The following GPC6 variants were observed in gnomAD, a reference collection of about 807,000 sequenced individuals.
GPC6 encodes the protein glypican-6.
A neutral mutation model predicts 55.2 loss-of-function variants in GPC6; 14 were observed. That is an observed-to-expected ratio of 0.25 (90% CI 0.17 to 0.40). The LOEUF (loss-of-function observed/expected upper bound fraction) is 0.40. Ranked by LOEUF, GPC6 falls within the 10% of genes least tolerant of loss-of-function variation. The pLI is 1.00. For synonymous variants in GPC6, 278 were observed against 259.6 expected (o/e 1.07, Z -0.68); for missense variants, 641 against 708.5 (o/e 0.90, Z 1.08).
intron 2 of GPC6, among the ~76,000 whole-genome samples, chr13:93,807,121 A>G (rs1886565498): frequency 6.6e-6 from 1 of 152,172 alleles, no homozygotes; most frequent in South Asian, 2.1e-4. Flanking sequence ...TGTTCTTAGC[A>G]TTGTATAGCA....
intron 4 of GPC6, among the ~76,000 whole-genome samples, chr13:94,088,928 A>G (rs1041468820): frequency 6.6e-6 from 1 of 152,116 alleles, no homozygotes; most frequent in African/African-American, 2.4e-5. Context: ...TCTATCTGAC[A>G]TATAATTGAT....
chr13:94,243,966 T>TGC (rs1891126811), intron 4 of GPC6, among the ~76,000 whole-genome samples: 1 of 152,168 alleles, frequency 6.6e-6, no homozygotes, highest in Admixed American at 6.6e-5. Context: ...TATAAATGGA[T>TGC]GCGACTTCCA....
intron 3 of GPC6, among the ~76,000 whole-genome samples, chr13:94,016,539 C>T (rs958839957): frequency 1.3e-5 from 2 of 152,156 alleles, no homozygotes; most frequent in Non-Finnish European, 2.9e-5. Context: ...GTGAGTCCTC[C>T]AACGTAGCTT....
At chr13:93,815,448 A>G (rs1414362119) in intron 2 of GPC6, among the ~76,000 whole-genome samples, 1 of 152,202 alleles carries the variant, frequency 6.6e-6, no homozygotes, top group African/African-American at 2.4e-5. Context: ...TAACATGATG[A>G]AAAATGACCT....
At chr13:93,219,219 G>A in the GPC6 span, among the ~76,000 whole-genome samples, 8 of 151,504 alleles carry the variant, frequency 5.3e-5, no homozygotes, top group Admixed American at 1.3e-4. Context: ...TTAGCCTCCC[G>A]AGTAGCTGGG....
intron 2 of GPC6, among the ~76,000 whole-genome samples, chr13:93,585,289 A>C (rs868012346): frequency 6.6e-6 from 1 of 152,204 alleles, no homozygotes; most frequent in East Asian, 1.9e-4. Context: ...AAAGGTTTAC[A>C]GAAGAGTTTG....
chr13:93,565,907 G>T (rs1876079627), intron 2 of GPC6, among the ~76,000 whole-genome samples: 1 of 146,382 alleles, frequency 6.8e-6, no homozygotes, highest in Non-Finnish European at 1.5e-5. Flanking sequence ...GGGTGACAGG[G>T]TGAGACTCTG....
At chr13:93,871,659 G>A (rs1566579096) in intron 3 of GPC6, among the ~76,000 whole-genome samples, 1 of 151,956 alleles carries the variant, frequency 6.6e-6, no homozygotes. Flanking sequence ...CATCTTCAGT[G>A]AGTTCCACTT....
chr13:94,038,416 A>C (rs1028771459), intron 4 of GPC6, among the ~76,000 whole-genome samples: 2 of 151,898 alleles, frequency 1.3e-5, no homozygotes, highest in Admixed American at 1.3e-4. Flanking sequence ...CATAACCTGG[A>C]CCTGAGATCT....
chr13:93,820,119 G>T (rs1007355775), intron 2 of GPC6, among the ~76,000 whole-genome samples: 1 of 152,122 alleles, frequency 6.6e-6, no homozygotes, highest in Admixed American at 6.5e-5. Flanking sequence ...TTGGTGCAAG[G>T]TATTGATTAT....
intron 2 of GPC6, among the ~76,000 whole-genome samples, chr13:93,715,261 C>T (rs981366405): frequency 6.6e-5 from 10 of 151,718 alleles, no homozygotes; most frequent in South Asian, 4.1e-4. Flanking sequence ...ACATATTCAC[C>T]GTGGAATACT....
At chr13:93,280,811 C>G (rs765925364) in intron 1 of GPC6, among the ~76,000 whole-genome samples, 3 of 152,204 alleles carry the variant, frequency 2.0e-5, no homozygotes, top group Non-Finnish European at 4.4e-5. Flanking sequence ...TTAAAGTGTT[C>G]CACCTCAGAT....
intron 4 of GPC6, among the ~76,000 whole-genome samples, chr13:94,135,046 A>G (rs1264007322): frequency 6.6e-6 from 1 of 152,184 alleles, no homozygotes; most frequent in Non-Finnish European, 1.5e-5. Flanking sequence ...ATAAAATCTA[A>G]CAGTGTTTTC....
intron 1 of GPC6, among the ~76,000 whole-genome samples, chr13:93,403,593 C>T (rs906924495): frequency 6.6e-6 from 1 of 152,166 alleles, no homozygotes; most frequent in Non-Finnish European, 1.5e-5. Context: ...TTTGGTTAAA[C>T]TACTGTATTG....
chr13:94,382,770 T>A (rs1187431121), intron 7 of GPC6, among the ~76,000 whole-genome samples: 2 of 152,188 alleles, frequency 1.3e-5, no homozygotes, highest in African/African-American at 4.8e-5. Context: ...ATTCAGAATG[T>A]CTTGCCTCTG....
intron 6 of GPC6, among the ~76,000 whole-genome samples, chr13:94,363,103 G>A (rs115340806): frequency 0.048 from 7,329 of 151,940 alleles, 575 homozygotes; most frequent in African/African-American, 0.16. Context: ...ATGTGTTCTC[G>A]TTAGATTCAA....
intron 1 of GPC6, among the ~76,000 whole-genome samples, chr13:93,271,519 C>A (rs1877526451): frequency 6.6e-6 from 1 of 151,726 alleles, no homozygotes; most frequent in African/African-American, 2.4e-5. Flanking sequence ...TCAGATACAG[C>A]TTTAGAGTAT....
intron 2 of GPC6, among the ~76,000 whole-genome samples, chr13:93,812,334 C>T (rs574238687): frequency 6.6e-5 from 10 of 151,314 alleles, no homozygotes; most frequent in East Asian, 1.9e-4. Flanking sequence ...TGCAGTGAGC[C>T]GAGGTCGTGC....
At chr13:94,203,185 T>C (rs1052688472) in intron 4 of GPC6, among the ~76,000 whole-genome samples, 9 of 151,728 alleles carry the variant, frequency 5.9e-5, no homozygotes, top group Non-Finnish European at 1.2e-4. Context: ...AATCTATCAC[T>C]TTTGGGGCAT....
Sources: gnomAD v4.1 joint callset for allele counts (sites outside exome capture counted in the v4.1 genomes callset) on GRCh38, gnomAD v4.1.1 for gene constraint, MANE v1.5 for transcripts, NCBI Gene and HGNC (gene_info 2026-07-23, HGNC 2026-07-21) for gene names.